Variants in TTC12 observed in about 807,000 individuals in gnomAD.
The protein encoded by TTC12 is tetratricopeptide repeat protein 12.
Under a neutral mutation model 90.1 loss-of-function variants are expected in TTC12, and 70 were observed. The ratio of observed to expected loss-of-function variants is 0.78; its 90% CI spans 0.64 to 0.95. The LOEUF is 0.95. Ranked by LOEUF, TTC12 falls within the 40% of genes least tolerant of loss-of-function variation. TTC12 has a pLI of 0.00. For missense variants in TTC12, 819 were observed against 846.1 expected, an observed-to-expected ratio of 0.97 and a Z score of 0.40; for synonymous variants, 296 against 311.5, an observed-to-expected ratio of 0.95 and a Z score of 0.53.
intron 11 of TTC12, 109 bp downstream of exon 11, chr11:113,340,842 C>G (rs572672803): frequency 7.8e-5 from 72 of 926,942 alleles, no homozygotes; most frequent in Admixed American, 4.4e-4. Flanking sequence ...ACATTACCCC[C>G]CTTCAGTCAG....
intron 2 of TTC12, among the ~76,000 whole-genome samples, chr11:113,320,328 C>T (rs1248155866): frequency 6.6e-6 from 1 of 152,078 alleles, no homozygotes; most frequent in Non-Finnish European, 1.5e-5. Context: ...ACTCTGAACC[C>T]CAGGCTCCAG....
chr11:113,316,244 G>A lies in TTC12; in HGVS notation c.-14G>A, dbSNP rs1555135478. ...TCACCATTATGCTGCATCCCTTAGG[G>A]ATTCCGGTTCACAATGGATGCTGAT... On this transcript the variant is annotated splice_region_variant and 5_prime_UTR_variant, in exon 2 of 22. Coordinates refer to ENST00000529221, the MANE Select transcript of TTC12 (RefSeq NM_017868.4). The A allele has an allele frequency of 7.0e-7, 1 of 1,436,052 alleles. No individual in the cohort carries two copies. The highest frequency in any genetic ancestry group is 9.2e-7 in the Non-Finnish European group (1 of 1,086,952). 89.0% of individuals were successfully genotyped at this position (1,436,052 alleles called of 1,614,324 possible).
intron 2 of TTC12, among the ~76,000 whole-genome samples, chr11:113,320,941 G>T (rs1227266573): frequency 6.6e-6 from 1 of 152,130 alleles, no homozygotes; most frequent in Non-Finnish European, 1.5e-5. Context: ...TACTCAGGAG[G>T]CTGAAGCAGG....
downstream of TTC12, chr11:113,366,401 T>G: frequency 6.4e-7 from 1 of 1,564,354 alleles, no homozygotes; most frequent in Non-Finnish European, 8.6e-7. Context: ...CAGAATCAAG[T>G]ACTCATTTTT....
chr11:113,326,782 A>G (rs1273112655), intron 6 of TTC12, among the ~76,000 whole-genome samples: 2 of 152,234 alleles, frequency 1.3e-5, no homozygotes, highest in Admixed American at 6.5e-5. Context: ...AGTACATTGC[A>G]TTACCCGAAC....
At chr11:113,371,067 G>A (rs1401148625), downstream of TTC12, among the ~76,000 whole-genome samples, 1 of 152,098 alleles carries the variant, frequency 6.6e-6, no homozygotes. Flanking sequence ...CTAGATCAAA[G>A]GCACAGCAAG....
At chr11:113,344,564 T>C in intron 13 of TTC12, 124 bp downstream of exon 13, 2 of 1,017,150 alleles carry the variant, frequency 2.0e-6, no homozygotes. Context: ...GAAAGAGCCT[T>C]TGACAAGAGT....
At chr11:113,337,773 A>AGGCT (rs1198314428) in intron 8 of TTC12, among the ~76,000 whole-genome samples, 4 of 152,164 alleles carry the variant, frequency 2.6e-5, no homozygotes, top group Non-Finnish European at 5.9e-5. Context: ...ATGAGTGATA[A>AGGCT]GGCTATTGCA....
chr11:113,362,248 G>A (rs1949976688), intron 18 of TTC12, among the ~76,000 whole-genome samples, 153 bp from the exon 19 acceptor site: 1 of 152,124 alleles, frequency 6.6e-6, no homozygotes, highest in South Asian at 2.1e-4. Flanking sequence ...TTATTAAAAA[G>A]AACAGTGCTT....
chr11:113,354,148 T>A (rs1949483907), intron 16 of TTC12, among the ~76,000 whole-genome samples: 1 of 152,234 alleles, frequency 6.6e-6, no homozygotes, highest in Admixed American at 6.5e-5. Context: ...TGAACTGTGT[T>A]TTGTAGTTCT....
Position 113,363,854 on chromosome 11 carries a change from T to A in TTC12, c.1743T>A (p.Tyr581Ter), listed in dbSNP as rs75256547. ...LKTGGETASR[Y>*]AIKILAICTN... ...CAGGAGGTGAGACTGCATCACGTTATGCTATAAAGATACTAGCTATCTGCA... is the reference window on the plus strand; with the variant it reads ...CAGGAGGTGAGACTGCATCACGTTAAGCTATAAAGATACTAGCTATCTGCA... The change falls in exon 20 of 22, where the codon TAT becomes TAA. Residue 581 changes from tyrosine to a stop codon, truncating the protein, a stop_gained. Transcript: ENST00000529221. LOFTEE classifies it high-confidence loss of function. 6.2e-5 allele frequency: 100 copies of A among 1,613,262 alleles called. No individual in the cohort carries two copies. The highest frequency in any genetic ancestry group is 8.0e-5 in the African/African-American group (6 of 75,048).
intron 5 of TTC12, 44 bp from the exon 6 acceptor site, chr11:113,325,480 T>C (rs781840340): frequency 6.2e-7 from 1 of 1,602,216 alleles, no homozygotes; most frequent in African/African-American, 1.3e-5. Context: ...AGAGATTTTC[T>C]GATGTGTGGT....
At position 113,344,295 on chromosome 11, in the gene TTC12, A is replaced by G. The variant is rs782300941; in HGVS notation, c.1009A>G (p.Ile337Val). The change falls in exon 13 of 22, where the codon ATA becomes GTA. Residue 337 changes from isoleucine to valine, a missense_variant. Coordinates refer to ENST00000529221, the MANE Select transcript of TTC12 (RefSeq NM_017868.4). ...RNEENQRVLV[I>V]HHDRARLLAA... ...AGAGGAAAACCAGCGTGTGCTAGTG[A>G]TACACCATGACAGGGCCAGGCTGTT... The G allele has an allele frequency of 1.9e-6, 3 of 1,613,740 alleles. No individual in the cohort carries two copies. The highest frequency in any genetic ancestry group is 3.3e-5 in the Admixed American group (2 of 59,968).
At chr11:113,365,823 G>A (rs576544918) in intron 21 of TTC12, among the ~76,000 whole-genome samples, 2 of 152,292 alleles carry the variant, frequency 1.3e-5, no homozygotes, top group East Asian at 1.9e-4. Context: ...AGATTGAGGG[G>A]GTTGGCCTTG....
At chr11:113,371,537 C>T (rs868548426) in intron 21 of TTC12, 6 of 151,758 alleles carry the variant, frequency 4.0e-5, no homozygotes, top group South Asian at 2.1e-4. Flanking sequence ...TTAATTGCTC[C>T]AAAATGGCTA....
chr11:113,351,418 T>C, intron 15 of TTC12, 119 bp downstream of exon 15: 1 of 843,422 alleles, frequency 1.2e-6, no homozygotes, highest in Non-Finnish European at 2.0e-6. Context: ...TAGTCATTTA[T>C]TCACAGCTGG....
Position 113,316,265 on chromosome 11 carries a change from C to A in TTC12, c.8C>A (p.Ala3Asp). 2.0e-6 allele frequency: 3 copies of A among 1,465,102 alleles called. No homozygotes were observed. Among genetic ancestry groups the A allele is most frequent in the South Asian group, 1.6e-5 (1 of 60,632 alleles). 90.8% of individuals were successfully genotyped at this position (1,465,102 alleles called of 1,614,324 possible). The change falls in exon 2 of 22, where the codon GCT becomes GAT. Residue 3 changes from alanine to aspartate, a missense_variant. Coordinates refer to ENST00000529221, the MANE Select transcript of TTC12 (RefSeq NM_017868.4). MD[A>D]DKEKDLQKFL... ...TAGGGATTCCGGTTCACAATGGATG[C>A]TGATAAAGAGAAAGATTTGCAGAAA...
chr11:113,343,223 G>T (rs1591575821), intron 12 of TTC12, among the ~76,000 whole-genome samples: 1 of 152,130 alleles, frequency 6.6e-6, no homozygotes, highest in South Asian at 2.1e-4. Context: ...TTATATGAGG[G>T]GTGAATAATA....
intron 2 of TTC12, among the ~76,000 whole-genome samples, chr11:113,319,394 A>G (rs1555137225): frequency 6.6e-6 from 1 of 152,106 alleles, no homozygotes; most frequent in Admixed American, 6.5e-5. Context: ...GGAATAGGAA[A>G]AGGGCATTAG....
Sources: allele counts gnomAD v4.1 joint callset (sites outside exome capture counted in the v4.1 genomes callset), GRCh38; gene constraint gnomAD v4.1.1; transcripts MANE v1.5; gene names NCBI Gene and HGNC (gene_info 2026-07-23, HGNC 2026-07-21).